Variants in FLT4 observed in about 807,000 individuals in gnomAD.
FLT4 encodes the protein fms related receptor tyrosine kinase 4, also known as vascular endothelial growth factor receptor 3.
A neutral mutation model predicts 163.2 loss-of-function variants in FLT4; 30 were observed. That is an observed-to-expected ratio of 0.18 (90% confidence interval 0.14 to 0.25). The LOEUF is 0.25. FLT4 is among the 10% of genes least tolerant of loss of function. FLT4 has a pLI of 1.00. For synonymous variants in FLT4, 884 were observed against 789.5 expected (o/e 1.12, Z -2.01); for missense variants, 1,510 against 1,863.8 (o/e 0.81, Z 3.50).
At chr5:180,624,889 G>A (rs987308054) in intron 10 of FLT4, among the ~76,000 whole-genome samples, 41 of 152,252 alleles carry the variant, frequency 2.7e-4, no homozygotes, top group Non-Finnish European at 5.9e-5. Flanking sequence ...TGGAGGAGCC[G>A]AGCAGGGACC....
At chr5:180,640,433 G>C (rs10479474) in intron 1 of FLT4, among the ~76,000 whole-genome samples, 123,569 of 152,202 alleles carry the variant, frequency 0.81, 50,874 homozygotes, top group East Asian at 0.95. Context: ...CCCCAGCCCG[G>C]CCTTCCTCCT....
rs1296653269 is a variant in FLT4 at position 180,616,367 on chromosome 5, A to G, written c.3219T>C (p.Ser1073=). ...CCTCTCCTCAATGGCCTGCACTCAC[A>G]CTGCCCTTGCGGACGTAGTCGGGGT... ...YKDPDYVRKG[S]ARLPLKWMAP... is the part of the protein sequence containing the mutation. The change falls in exon 23 of 30, where the codon AGT becomes AGC. Residue 1073 remains serine (S), a splice_region_variant and synonymous_variant. Transcript: ENST00000261937. 6.2e-7 allele frequency: 1 copy of G among 1,613,854 alleles called. No individual in the cohort carries two copies.
intron 29 of FLT4, among the ~76,000 whole-genome samples, chr5:180,606,858 C>T (rs1761812849): frequency 6.7e-6 from 1 of 149,528 alleles, no homozygotes; most frequent in Non-Finnish European, 1.5e-5. Flanking sequence ...GAGTTCAAGA[C>T]CAGCCTGGCC....
At chr5:180,606,576 A>G (rs1338271240) in intron 29 of FLT4, among the ~76,000 whole-genome samples, 1 of 152,192 alleles carries the variant, frequency 6.6e-6, no homozygotes, top group East Asian at 1.9e-4. Context: ...CTTTGATCTC[A>G]AGGAGCTGTG....
At chr5:180,639,324 TG>T (rs1256035771) in intron 1 of FLT4, among the ~76,000 whole-genome samples, 1 of 101,202 alleles carries the variant, frequency 9.9e-6, no homozygotes, top group Non-Finnish European at 2.1e-5. Flanking sequence ...GATGGATGGG[TG>T]GATGGATGGA....
In FLT4 at chr5:180,637,380, C is replaced by A. The variant is rs374274067; in HGVS notation, c.59-5602G>T. Among the ~76,000 whole-genome samples the A allele has an allele frequency of 9.7e-4, 147 of 151,852 alleles. 3 individuals are homozygous for A. In the Middle Eastern group the frequency reaches 0.02, roughly 21 times the overall value. On this transcript the variant is annotated intron_variant, in intron 1 of 29. Transcript: ENST00000261937. ...AAAAGAAAAACTCCCCATCTTCCTA[C>A]ATCCCAAAACCCACACTGCCAGCCA... is the stretch of plus-strand genomic sequence containing the variant.
rs6859866 is a variant in FLT4 at position 180,630,876 on chromosome 5, C to G, written c.156-77G>C. 17 of 1,479,840 alleles carry G rather than the reference C, an allele frequency of 1.1e-5. No homozygotes were observed. The East Asian group carries it at 3.4e-4, about 29-fold the overall frequency. The allele number at this position is 1,479,840 out of a possible 1,614,324, so 91.7% of individuals were successfully genotyped here. A position where few individuals can be genotyped will look rare whatever the true frequency, so the allele number is the denominator to read the frequency against. On this transcript the variant is annotated intron_variant, in intron 2 of 29. Coordinates refer to ENST00000261937, the MANE Select transcript of FLT4 (RefSeq NM_182925.5). This position sits in a 1 kb window ranked among gnomAD's most constrained non-coding sequence, Gnocchi z 6.3. ...TGTCCCTGAGAAGCCTCCCTCAGGC[C>G]GAGCCTCACCAGGTTTGTCTTACCC... is the stretch of plus-strand genomic sequence containing the variant.
rs759098962 is a variant in FLT4 at position 180,614,126 on chromosome 5, G to A, written c.3273C>T (p.Tyr1091=). Residue 1091 remains tyrosine (Y), a synonymous_variant, in exon 24 of 30, where the codon TAC becomes TAT. Coordinates refer to ENST00000261937, the MANE Select transcript of FLT4 (RefSeq NM_182925.5). ...MAPESIFDKV[Y]TTQSDVWSFG... ...AGGACCACACGTCACTCTGCGTGGT[G>A]TACACCTTGTCGAAGATGCTTTCAG... is the stretch of plus-strand genomic sequence containing the variant. 2.5e-6 allele frequency: 4 copies of A among 1,614,150 alleles called. No individual in the cohort carries two copies. Among genetic ancestry groups the A allele is most frequent in the African/African-American group, 2.7e-5 (2 of 75,066 alleles).
At chr5:180,649,727 G>A, upstream of FLT4, 1 of 186,620 alleles carries the variant, frequency 5.4e-6, no homozygotes, top group Non-Finnish European at 1.1e-5. Flanking sequence ...CGGGGCGTCC[G>A]GTGCACCCGA....
At chr5:180,605,314 G>A (rs1761731241) in intron 29 of FLT4, among the ~76,000 whole-genome samples, 2 of 152,142 alleles carry the variant, frequency 1.3e-5, no homozygotes, top group Non-Finnish European at 2.9e-5. Flanking sequence ...GCTGTCAGTT[G>A]TATCATCACA....
intron 23 of FLT4, among the ~76,000 whole-genome samples, chr5:180,615,035 G>T (rs1762531292): frequency 6.6e-6 from 1 of 152,216 alleles, no homozygotes; most frequent in African/African-American, 2.4e-5. Flanking sequence ...AGAATGCTTT[G>T]CACTCTCAGG....
chr5:180,616,512 G>C (rs1581634065), intron 22 of FLT4, 23 bp from the exon 23 acceptor site: 5 of 1,613,090 alleles, frequency 3.1e-6, no homozygotes, highest in Admixed American at 1.7e-5. Flanking sequence ...GAGGCGGCAG[G>C]GGGGCTGTCA....
chr5:180,620,730 A>AG lies in FLT4; in HGVS notation c.2300-16dup, dbSNP rs1456521293. ...ATCCTCGGAGCCTGCGTGGGCAGAAAGGGGCCGGCGTGTGTGTGTGTGTGT... is the reference window on the plus strand; with the variant it reads ...ATCCTCGGAGCCTGCGTGGGCAGAAAGGGGGCCGGCGTGTGTGTGTGTGTGT... On this transcript the variant is annotated splice_polypyrimidine_tract_variant and intron_variant, in intron 15 of 29. Coordinates refer to ENST00000261937, the MANE Select transcript of FLT4 (RefSeq NM_182925.5). The surrounding 1 kb of genome is among the most constrained non-coding windows in gnomAD (Gnocchi z 4.4). 2 of 1,604,696 alleles carry AG rather than the reference A, an allele frequency of 1.2e-6. No homozygotes were observed. The highest frequency in any genetic ancestry group is 1.7e-6 in the Non-Finnish European group (2 of 1,173,924).
intron 29 of FLT4, among the ~76,000 whole-genome samples, chr5:180,608,743 G>T (rs1193740399): frequency 6.6e-6 from 1 of 152,192 alleles, no homozygotes; most frequent in African/African-American, 2.4e-5. Flanking sequence ...TGACAGGGAG[G>T]TGTCGGGACC....
chr5:180,613,601 C>A, intron 24 of FLT4: 1 of 286,296 alleles, frequency 3.5e-6, no homozygotes, highest in Non-Finnish European at 6.8e-6. Flanking sequence ...CCCACGCCTC[C>A]TACACTCTTC....
intron 18 of FLT4, 79 bp downstream of exon 18, chr5:180,619,586 G>T: frequency 1.7e-6 from 2 of 1,179,514 alleles, no homozygotes; most frequent in Non-Finnish European, 2.6e-6. Context: ...CTCCCTTCCC[G>T]AGTTGCCGTC....
At chr5:180,638,909 C>G (rs545860898) in intron 1 of FLT4, among the ~76,000 whole-genome samples, 1 of 152,236 alleles carries the variant, frequency 6.6e-6, no homozygotes, top group South Asian at 2.1e-4. Context: ...AGGACCAAGA[C>G]AGCTCTTTCT....
intron 1 of FLT4, 116 bp from the exon 2 acceptor site, chr5:180,631,894 C>A: frequency 5.4e-6 from 4 of 742,236 alleles, no homozygotes. Context: ...CGGAGCAGCT[C>A]AGGTTCTCAG....
chr5:180,620,995 G>A lies in FLT4; in HGVS notation c.2180C>T (p.Ala727Val), dbSNP rs762560832. 2.0e-5 allele frequency: 33 copies of A among 1,611,010 alleles called. No homozygotes were observed. The highest frequency in any genetic ancestry group is 2.4e-5 in the Non-Finnish European group (28 of 1,178,862). ...GATGCTCAGCTTCTGGTTGGAGTCC[G>A]CCAAGTCGACTCCTGCAGGGGGTGG... Reference protein sequence around the residue: ...LLEEKSGVDLADSNQKLSIQR... With the variant: ...LLEEKSGVDLVDSNQKLSIQR... The change falls in exon 15 of 30, where the codon GCG (alanine) becomes GTG (valine). Residue 727 changes from alanine to valine, a missense_variant. Transcript: ENST00000261937. This position sits in a 1 kb window ranked among gnomAD's most constrained non-coding sequence, Gnocchi z 4.4.
Sources: allele counts gnomAD v4.1 joint callset (sites outside exome capture counted in the v4.1 genomes callset), GRCh38; gene constraint gnomAD v4.1.1; non-coding constraint Gnocchi (gnomAD v3.1); transcripts MANE v1.5; gene names NCBI Gene and HGNC (gene_info 2026-07-23, HGNC 2026-07-21).